The following TNRC6A variants were observed in gnomAD, a reference collection of about 807,000 sequenced individuals.
The protein encoded by TNRC6A is trinucleotide repeat containing adaptor 6A, also known as trinucleotide repeat-containing gene 6A protein.
Under a neutral mutation model 221.2 loss-of-function variants are expected in TNRC6A, and 44 were observed. The observed-to-expected ratio is 0.20, with a 90% CI of 0.16 to 0.26. The LOEUF (loss-of-function observed/expected upper bound fraction) is 0.26. Ranked by LOEUF, TNRC6A falls within the 10% of genes least tolerant of loss-of-function variation. The pLI is 1.00. For synonymous variants in TNRC6A, 847 were observed against 838.5 expected (o/e 1.01, Z -0.18); for missense variants, 2,199 against 2,404.4 (o/e 0.91, Z 1.79).
At chr16:24,694,920 G>A (rs942673986) in intron 2 of TNRC6A, among the ~76,000 whole-genome samples, 3 of 152,082 alleles carry the variant, frequency 2.0e-5, no homozygotes, top group African/African-American at 4.8e-5. Context: ...GTGACAGAGC[G>A]AGACCCTCTT....
At chr16:24,758,599 A>C (rs2057300295) in intron 4 of TNRC6A, among the ~76,000 whole-genome samples, 1 of 152,136 alleles carries the variant, frequency 6.6e-6, no homozygotes, top group Admixed American at 6.6e-5. Context: ...ATAGGATAAG[A>C]GTAAGCACTG....
At chr16:24,643,110 A>AATATATATATATTTT (rs1567319489) in intron 2 of TNRC6A, among the ~76,000 whole-genome samples, 1 of 56,782 alleles carries the variant, frequency 1.8e-5, no homozygotes, top group African/African-American at 5.7e-5. Flanking sequence ...ATATATATAA[A>AATATATATATATTTT]ATATATATAT....
At chr16:24,750,863 A>T in intron 3 of TNRC6A, 50 bp downstream of exon 3, 2 of 1,350,714 alleles carry the variant, frequency 1.5e-6, no homozygotes, top group Non-Finnish European at 1.9e-6. Context: ...CATAGAATTA[A>T]AAAAAAATTA....
chr16:24,785,522 A>G (rs141476182), intron 5 of TNRC6A, among the ~76,000 whole-genome samples: 4 of 152,318 alleles, frequency 2.6e-5, no homozygotes, highest in African/African-American at 7.2e-5. Flanking sequence ...TTTTTGGCAT[A>G]TAGAAAGGAA....
At chr16:24,643,073 TATATATTATATATA>T (rs1193389136) in intron 2 of TNRC6A, among the ~76,000 whole-genome samples, 1 of 139,586 alleles carries the variant, frequency 7.2e-6, no homozygotes, top group East Asian at 2.0e-4. Flanking sequence ...ATATATTATA[TATATATTATATATA>T]TATATTTTAT....
intron 2 of TNRC6A, among the ~76,000 whole-genome samples, chr16:24,700,188 G>A (rs139645496): frequency 6.5e-4 from 99 of 152,144 alleles, no homozygotes; most frequent in African/African-American, 2.3e-3. Context: ...CAAAGGCCAG[G>A]AGGAGTTCAA....
chr16:24,644,482 T>C (rs1191319900), intron 2 of TNRC6A, among the ~76,000 whole-genome samples: 1 of 152,004 alleles, frequency 6.6e-6, no homozygotes, highest in Non-Finnish European at 1.5e-5. Flanking sequence ...TTTGTAGAGA[T>C]AGGGTTTCAC....
At chr16:24,767,655 TATTA>T (rs1202991145) in intron 4 of TNRC6A, among the ~76,000 whole-genome samples, 3 of 152,360 alleles carry the variant, frequency 2.0e-5, no homozygotes, top group East Asian at 1.9e-4. Flanking sequence ...CATTTTATAG[TATTA>T]ATTGTTTAAT....
intron 4 of TNRC6A, among the ~76,000 whole-genome samples, chr16:24,772,507 C>G (rs539106071): frequency 1.3e-5 from 2 of 151,708 alleles, no homozygotes; most frequent in Admixed American, 1.3e-4. Flanking sequence ...AAAAAAAACA[C>G]TATTAAAGGC....
At position 24,789,715 on chromosome 16, in the gene TNRC6A, C is replaced by G; in HGVS notation, c.1073C>G (p.Pro358Arg). ...VSSSSNGGLNPSTLNSASNHG... is the reference protein window; with the variant it reads ...VSSSSNGGLNRSTLNSASNHG... ...TCTTCATCAAATGGAGGGTTAAATCCAAGCACTTTGAATTCAGCTAGCAAC... is the reference window on the plus strand; with the variant it reads ...TCTTCATCAAATGGAGGGTTAAATCGAAGCACTTTGAATTCAGCTAGCAAC... Residue 358 changes from proline to arginine, a missense_variant, in exon 6 of 25, where the codon CCA becomes CGA. Transcript: ENST00000395799. The G allele has an allele frequency of 6.2e-7, 1 of 1,614,172 alleles. No individual in the cohort carries two copies. Among genetic ancestry groups the G allele is most frequent in the Non-Finnish European group, 8.5e-7 (1 of 1,180,048 alleles).
chr16:24,714,436 G>A (rs1335366266), intron 2 of TNRC6A, among the ~76,000 whole-genome samples: 2 of 149,810 alleles, frequency 1.3e-5, no homozygotes, highest in Non-Finnish European at 3.0e-5. Context: ...AGCCTCCCGA[G>A]TAGCTGGGAC....
intron 2 of TNRC6A, among the ~76,000 whole-genome samples, chr16:24,709,793 C>T (rs2142294434): frequency 7.2e-6 from 1 of 139,414 alleles, no homozygotes; most frequent in South Asian, 2.3e-4. Flanking sequence ...CTATTGCGTG[C>T]CAGCCTGGGC....
intron 5 of TNRC6A, among the ~76,000 whole-genome samples, chr16:24,780,677 A>G (rs982192128): frequency 3.3e-5 from 5 of 152,190 alleles, no homozygotes; most frequent in African/African-American, 4.8e-5. Flanking sequence ...TTTTTCTGCC[A>G]TATTAGTAAC....
At chr16:24,807,219 G>T (rs558573533) in intron 17 of TNRC6A, among the ~76,000 whole-genome samples, 52 of 152,094 alleles carry the variant, frequency 3.4e-4, no homozygotes, top group African/African-American at 1.1e-3. Context: ...TGGCCGGGTG[G>T]GTCTGGAACT....
At chr16:24,683,458 A>G (rs1274056704) in intron 2 of TNRC6A, among the ~76,000 whole-genome samples, 3 of 152,086 alleles carry the variant, frequency 2.0e-5, no homozygotes, top group East Asian at 1.9e-4. Context: ...TGGCCTCCCA[A>G]AGTGCTTGGA....
chr16:24,681,084 A>G (rs1596663463), intron 2 of TNRC6A, among the ~76,000 whole-genome samples: 1 of 151,966 alleles, frequency 6.6e-6, no homozygotes, highest in Admixed American at 6.6e-5. Flanking sequence ...TCAGAACCAT[A>G]TCAAACAGAA....
intron 22 of TNRC6A, among the ~76,000 whole-genome samples, chr16:24,820,939 C>G (rs913631532): frequency 2.0e-5 from 3 of 152,178 alleles, no homozygotes; most frequent in African/African-American, 4.8e-5. Context: ...AGCAGTTTCC[C>G]CAGTAAATAC....
intron 20 of TNRC6A, among the ~76,000 whole-genome samples, chr16:24,817,782 A>G (rs1274560208): frequency 6.6e-6 from 1 of 152,204 alleles, no homozygotes; most frequent in Non-Finnish European, 1.5e-5. Context: ...TAACAAGCAG[A>G]GAAGAGTCCT....
At chr16:24,671,212 T>TA (rs1236478477) in intron 2 of TNRC6A, 9 of 170,730 alleles carry the variant, frequency 5.3e-5, no homozygotes, top group Admixed American at 1.9e-4. Context: ...ATTGTGATTC[T>TA]AAAAAAAAGA....
Sources: gnomAD v4.1 joint callset for allele counts (sites outside exome capture counted in the v4.1 genomes callset) on GRCh38, gnomAD v4.1.1 for gene constraint, MANE v1.5 for transcripts, NCBI Gene and HGNC (gene_info 2026-07-23, HGNC 2026-07-21) for gene names.